The following DLGAP1 variants were observed in gnomAD, a reference collection of about 807,000 sequenced individuals.
DLGAP1 encodes the protein DLG associated protein 1, also known as disks large-associated protein 1.
In DLGAP1, 11 loss-of-function variants were observed where a neutral mutation model predicts 90.8. The ratio of observed to expected loss-of-function variants is 0.12; its 90% CI spans 0.08 to 0.20. The LOEUF (loss-of-function observed/expected upper bound fraction) is 0.20. Among genes scored for constraint, DLGAP1 ranks in the 10% least tolerant of loss-of-function variants. DLGAP1 has a pLI of 1.00. For missense variants in DLGAP1, 1,050 were observed against 1,333.8 expected (o/e 0.79, Z 3.31); for synonymous variants, 558 against 540.7 (o/e 1.03, Z -0.44).
intron 1 of DLGAP1, among the ~76,000 whole-genome samples, chr18:4,316,891 G>C (rs1373148791): frequency 6.6e-6 from 1 of 152,040 alleles, no homozygotes; most frequent in East Asian, 1.9e-4. Context: ...TTAGGATAGG[G>C]ACATCAATTT....
rs1275495226 is a variant in DLGAP1 at position 3,729,128 on chromosome 18, C to G, written c.1591+7G>C. 1.2e-6 allele frequency: 2 copies of G among 1,600,400 alleles called. No individual in the cohort carries two copies. Among genetic ancestry groups the G allele is most frequent in the Admixed American group, 1.7e-5 (1 of 59,674 alleles). ...GGGCCAGGCTGGCTGAGGGCCCGCG[C>G]ACTCACCCGTGCTGCTCTGGATGGT... On this transcript the variant is annotated splice_region_variant and intron_variant, in intron 7 of 12. Transcript: ENST00000315677. This position sits in a 1 kb window ranked among gnomAD's most constrained non-coding sequence, Gnocchi z 6.2.
chr18:4,309,196 C>T (rs1282956296), intron 1 of DLGAP1, among the ~76,000 whole-genome samples: 1 of 152,156 alleles, frequency 6.6e-6, no homozygotes, highest in Non-Finnish European at 1.5e-5. Context: ...AGAATACACA[C>T]TTTGTTCAGC....
At chr18:3,876,258 A>T (rs2148818120) in intron 4 of DLGAP1, among the ~76,000 whole-genome samples, 1 of 152,160 alleles carries the variant, frequency 6.6e-6, no homozygotes, top group East Asian at 1.9e-4. Flanking sequence ...TTCTCCTCTG[A>T]CCCCATATGA....
rs1016613336 is a variant in DLGAP1 at position 4,383,204 on chromosome 18, A to G, written c.-267+71802T>C. ...GAACAAAAGCACAAACAAAACATTA[A>G]AACATTACCTGGGGAATAATGTTCT... On this transcript the variant is annotated intron_variant, in intron 1 of 12. Coordinates refer to ENST00000315677, the MANE Select transcript of DLGAP1 (RefSeq NM_004746.4). The surrounding 1 kb of genome is among the most constrained non-coding windows in gnomAD (Gnocchi z 4.0). Among the ~76,000 whole-genome samples the G allele has an allele frequency of 6.6e-6, 1 of 152,176 alleles. No individual in the cohort carries two copies. Among genetic ancestry groups the G allele is most frequent in the Non-Finnish European group, 1.5e-5 (1 of 68,020 alleles).
At chr18:3,991,664 G>A (rs1228717128) in intron 3 of DLGAP1, among the ~76,000 whole-genome samples, 1 of 152,186 alleles carries the variant, frequency 6.6e-6, no homozygotes, top group Non-Finnish European at 1.5e-5. Flanking sequence ...GATTTGGGCT[G>A]AGACAGTGGA....
intron 4 of DLGAP1, among the ~76,000 whole-genome samples, chr18:3,833,796 T>C (rs1054550462): frequency 9.3e-5 from 14 of 150,670 alleles, no homozygotes; most frequent in African/African-American, 3.5e-4. Context: ...TTTATCTGAA[T>C]GATAAAATTT....
At chr18:4,376,797 G>A (rs373932038) in intron 1 of DLGAP1, among the ~76,000 whole-genome samples, 4 of 152,118 alleles carry the variant, frequency 2.6e-5, no homozygotes, top group African/African-American at 7.2e-5. Flanking sequence ...TTCATCAGGC[G>A]CTTATTGGAC....
At chr18:3,885,755 A>AT (rs2071294847) in intron 3 of DLGAP1, among the ~76,000 whole-genome samples, 1 of 152,164 alleles carries the variant, frequency 6.6e-6, no homozygotes, top group Non-Finnish European at 1.5e-5. Context: ...ATGTCTCCTG[A>AT]TTTTTTTGCT....
chr18:4,275,326 G>C (rs1471676797), intron 1 of DLGAP1: 1 of 152,084 alleles, frequency 6.6e-6, no homozygotes, highest in Non-Finnish European at 1.5e-5. Flanking sequence ...AGAGATCCTC[G>C]TGGTGAATTC....
rs72863467 is a variant in DLGAP1 at position 3,919,914 on chromosome 18, C to T, written c.-72-39774G>A. On this transcript the variant is annotated intron_variant, in intron 3 of 12. Transcript: ENST00000315677. The stretch of plus-strand genomic sequence containing the variant: ...AGAGTGAACACATAGCACTGTGAAA[C>T]AGAGGCGCAGTTAGATACAACTGCC... Among the ~76,000 whole-genome samples, 1,259 of 152,308 alleles carry T rather than the reference C, an allele frequency of 8.3e-3. 8 individuals are homozygous for T. Among genetic ancestry groups the T allele is most frequent in the Non-Finnish European group, 0.014 (972 of 68,028 alleles).
At chr18:3,556,736 G>T (rs190031485) in intron 9 of DLGAP1, among the ~76,000 whole-genome samples, 1 of 152,286 alleles carries the variant, frequency 6.6e-6, no homozygotes, top group East Asian at 1.9e-4. Context: ...GCAGGATTTT[G>T]AGTGAACATA....
At chr18:4,246,683 G>A (rs1359863777) in intron 1 of DLGAP1, among the ~76,000 whole-genome samples, 2 of 152,092 alleles carry the variant, frequency 1.3e-5, no homozygotes, top group Admixed American at 1.3e-4. Flanking sequence ...CCGTCTCGAG[G>A]GTAATTGCTT....
At chr18:3,602,331 C>T (rs9951486) in intron 7 of DLGAP1, among the ~76,000 whole-genome samples, 2 of 152,172 alleles carry the variant, frequency 1.3e-5, no homozygotes, top group African/African-American at 4.8e-5. Flanking sequence ...CGCGGTGGCT[C>T]ACGCCTGTCA....
At chr18:4,008,065 C>T (rs1021886868) in intron 2 of DLGAP1, among the ~76,000 whole-genome samples, 1 of 152,084 alleles carries the variant, frequency 6.6e-6, no homozygotes, top group Non-Finnish European at 1.5e-5. Flanking sequence ...GGGCTGTTTC[C>T]TCTGTCTGGA....
chr18:3,905,807 T>C (rs977492297), intron 3 of DLGAP1, among the ~76,000 whole-genome samples: 1 of 152,162 alleles, frequency 6.6e-6, no homozygotes, highest in African/African-American at 2.4e-5. Flanking sequence ...CACAATGTGT[T>C]TGGGGGAAGC....
rs1214214884 is a variant in DLGAP1, at chr18:4,131,206, G to GTA, written c.-159+19973_-159+19974insTA. On this transcript the variant is annotated intron_variant, in intron 2 of 12. Transcript: ENST00000315677. Reference sequence around the variant, plus strand: ...AGGAAAAAAACGTGGGCGTGTGTGTGTGTGTGCGTGCAAGCACGTGTAAGA... The same window carrying GTA: ...AGGAAAAAAACGTGGGCGTGTGTGTGTATGTGTGCGTGCAAGCACGTGTAAGA... Among the ~76,000 whole-genome samples the GTA allele has an allele frequency of 1.9e-4, 29 of 152,060 alleles. 3 individuals are homozygous for GTA. Among genetic ancestry groups the GTA allele is most frequent in the African/African-American group, 3.1e-4 (13 of 41,548 alleles).
chr18:3,675,339 T>C (rs1253303864), intron 7 of DLGAP1, among the ~76,000 whole-genome samples: 1 of 152,166 alleles, frequency 6.6e-6, no homozygotes, highest in Non-Finnish European at 1.5e-5. Context: ...CCTCCCAAAG[T>C]GCTAGGATTA....
intron 7 of DLGAP1, among the ~76,000 whole-genome samples, chr18:3,600,186 G>T (rs867434735): frequency 5.9e-5 from 9 of 152,122 alleles, no homozygotes; most frequent in Admixed American, 5.2e-4. Flanking sequence ...TTGGAGTTCT[G>T]GATGTTCATT....
In DLGAP1 at chr18:3,677,960, GTTT is replaced by G. The variant is rs71160908; in HGVS notation, c.1591+51172_1591+51174del. ...AGGCGTGAGCCACTGTGCCCGGTGG[GTTT>G]TTTTTTTTTTTTTTTTGAGATGGAG... On this transcript the variant is annotated intron_variant, in intron 7 of 12. Transcript: ENST00000315677. Among the ~76,000 whole-genome samples, 367 of 81,178 alleles carry G rather than the reference GTTT, an allele frequency of 4.5e-3. 3 individuals carry two copies. The highest frequency in any genetic ancestry group is 0.014 in the African/African-American group (345 of 23,900). The allele number at this position is 81,178 out of a possible 152,430, so 53.3% of individuals were successfully genotyped here. A position where few individuals can be genotyped will look rare whatever the true frequency, so the allele number is the denominator to read the frequency against.
Sources: gnomAD v4.1 joint callset for allele counts (sites outside exome capture counted in the v4.1 genomes callset) on GRCh38, gnomAD v4.1.1 for gene constraint, Gnocchi (gnomAD v3.1) non-coding constraint, MANE v1.5 for transcripts, NCBI Gene and HGNC (gene_info 2026-07-23, HGNC 2026-07-21) for gene names.